The following CACNG2 variants were observed in gnomAD, a reference collection of about 807,000 sequenced individuals.
CACNG2 encodes the protein voltage-dependent calcium channel gamma-2 subunit.
A neutral mutation model predicts 25.9 loss-of-function variants in CACNG2; 3 were observed. The observed-to-expected ratio is 0.12, with a 90% CI of 0.05 to 0.30. The LOEUF (loss-of-function observed/expected upper bound fraction) is 0.30. Among genes scored for constraint, CACNG2 ranks in the 10% least tolerant of loss-of-function variants. The pLI is 1.00. For synonymous variants in CACNG2, 167 were observed against 173.3 expected (o/e 0.96, Z 0.29); for missense variants, 341 against 432.5 (o/e 0.79, Z 1.88).
intron 1 of CACNG2, among the ~76,000 whole-genome samples, chr22:36,649,945 C>T (rs1275998714): frequency 6.6e-6 from 1 of 152,200 alleles, no homozygotes; most frequent in Non-Finnish European, 1.5e-5. Flanking sequence ...ATGTCTTTAT[C>T]AGCAGTGTGA....
At chr22:36,634,845 C>T (rs1936330076) in intron 1 of CACNG2, among the ~76,000 whole-genome samples, 1 of 152,142 alleles carries the variant, frequency 6.6e-6, no homozygotes. Flanking sequence ...TATCAGGCTT[C>T]TGAAGGATAA....
chr22:36,636,206 C>G (rs1363606345), intron 1 of CACNG2, among the ~76,000 whole-genome samples: 1 of 152,214 alleles, frequency 6.6e-6, no homozygotes, highest in Non-Finnish European at 1.5e-5. Context: ...TCATCCCATT[C>G]TATCCCTTTC....
At chr22:36,673,195 C>T (rs983723435) in intron 1 of CACNG2, among the ~76,000 whole-genome samples, 3 of 152,172 alleles carry the variant, frequency 2.0e-5, no homozygotes, top group Admixed American at 2.0e-4. Context: ...CACTGCACTC[C>T]AGCCTGGGTG....
At chr22:36,648,335 T>C (rs1011807196) in intron 1 of CACNG2, among the ~76,000 whole-genome samples, 1 of 152,204 alleles carries the variant, frequency 6.6e-6, no homozygotes, top group African/African-American at 2.4e-5. Context: ...AAGAGTAATA[T>C]CGTATACTGC....
At chr22:36,663,207 CG>C (rs1160127583) in intron 1 of CACNG2, among the ~76,000 whole-genome samples, 1 of 152,118 alleles carries the variant, frequency 6.6e-6, no homozygotes, top group Non-Finnish European at 1.5e-5. Flanking sequence ...GCATGGAGGA[CG>C]TGCTCAGAAA....
At chr22:36,669,948 A>G (rs1936926016) in intron 1 of CACNG2, among the ~76,000 whole-genome samples, 1 of 152,134 alleles carries the variant, frequency 6.6e-6, no homozygotes, top group African/African-American at 2.4e-5. Flanking sequence ...CCTGACCTCA[A>G]GATGATCCAC....
chr22:36,652,054 T>C (rs993144394), intron 1 of CACNG2, among the ~76,000 whole-genome samples: 2 of 152,024 alleles, frequency 1.3e-5, no homozygotes, highest in Non-Finnish European at 2.9e-5. Flanking sequence ...TTAGTAGAGA[T>C]AGGGTTTCAC....
intron 1 of CACNG2, among the ~76,000 whole-genome samples, chr22:36,690,104 G>A (rs958930017): frequency 6.6e-6 from 1 of 152,232 alleles, no homozygotes; most frequent in African/African-American, 2.4e-5. Flanking sequence ...GTCTTCAGCT[G>A]TCAAAAGACA....
chr22:36,681,555 C>T (rs538032685), intron 1 of CACNG2, among the ~76,000 whole-genome samples: 5 of 150,292 alleles, frequency 3.3e-5, no homozygotes, highest in South Asian at 2.1e-4. Flanking sequence ...TTTTGGGGGG[C>T]AGCCACTTTT....
intron 1 of CACNG2, among the ~76,000 whole-genome samples, chr22:36,621,279 G>A (rs1019828556): frequency 2.6e-4 from 39 of 152,164 alleles, no homozygotes; most frequent in African/African-American, 8.7e-4. Context: ...AGGCCGAGGC[G>A]GGCGAATCAC....
chr22:36,613,813 C>T (rs1033956179), intron 1 of CACNG2, among the ~76,000 whole-genome samples: 4 of 152,122 alleles, frequency 2.6e-5, no homozygotes, highest in Non-Finnish European at 4.4e-5. Context: ...CCCCCATCCT[C>T]TTATGCTGGC....
chr22:36,607,789 G>A (rs539613626), intron 1 of CACNG2, among the ~76,000 whole-genome samples: 1 of 152,126 alleles, frequency 6.6e-6, no homozygotes, highest in Non-Finnish European at 1.5e-5. Flanking sequence ...AGGATTCCCA[G>A]CTAGATCCAA....
At chr22:36,630,836 T>G (rs1936256767) in intron 1 of CACNG2, among the ~76,000 whole-genome samples, 1 of 151,944 alleles carries the variant, frequency 6.6e-6, no homozygotes, top group Non-Finnish European at 1.5e-5. Flanking sequence ...CTTGAGCTAT[T>G]TGTTTATTTA....
intron 1 of CACNG2, among the ~76,000 whole-genome samples, chr22:36,681,554 G>T (rs1444727859): frequency 2.0e-5 from 3 of 148,166 alleles, no homozygotes; most frequent in Admixed American, 2.0e-4. Context: ...TTTTTGGGGG[G>T]CAGCCACTTT....
chr22:36,573,899 A>G (rs986620386), intron 2 of CACNG2, among the ~76,000 whole-genome samples: 1 of 152,168 alleles, frequency 6.6e-6, no homozygotes, highest in Non-Finnish European at 1.5e-5. Flanking sequence ...AGGCACAATG[A>G]AGGCAGGGCT....
intron 1 of CACNG2, among the ~76,000 whole-genome samples, chr22:36,676,932 T>TTGTGTGTGTGTGTG (rs138729815): frequency 0.086 from 12,206 of 141,548 alleles, 667 homozygotes; most frequent in Middle Eastern, 0.13. Context: ...TCTTCTAATA[T>TTGTGTGTGTGTGTG]TGTGTGTGTG....
At chr22:36,683,213 G>T (rs531715563) in intron 1 of CACNG2, among the ~76,000 whole-genome samples, 1 of 152,318 alleles carries the variant, frequency 6.6e-6, no homozygotes, top group South Asian at 2.1e-4. Flanking sequence ...CCATAATTAT[G>T]TGTTAATTCA....
chr22:36,684,087 T>C (rs1337693293), intron 1 of CACNG2, among the ~76,000 whole-genome samples: 1 of 152,192 alleles, frequency 6.6e-6, no homozygotes, highest in Non-Finnish European at 1.5e-5. Flanking sequence ...CGTCTCTCCA[T>C]GTCTTTCAAA....
At chr22:36,614,828 C>T (rs1002847128) in intron 1 of CACNG2, among the ~76,000 whole-genome samples, 1 of 152,228 alleles carries the variant, frequency 6.6e-6, no homozygotes, top group African/African-American at 2.4e-5. Flanking sequence ...TCGTTACTAG[C>T]TGAGATCTGG....
Sources: allele counts gnomAD v4.1 joint callset (sites outside exome capture counted in the v4.1 genomes callset), GRCh38; gene constraint gnomAD v4.1.1; transcripts MANE v1.5; gene names NCBI Gene and HGNC (gene_info 2026-07-23, HGNC 2026-07-21).